SNX13: variants seen among roughly 807,000 people sequenced by gnomAD.
The protein encoded by SNX13 is sorting nexin-13.
Under a neutral mutation model 133.6 loss-of-function variants are expected in SNX13, and 45 were observed. The ratio of observed to expected loss-of-function variants is 0.34; its 90% CI spans 0.27 to 0.43. The LOEUF (loss-of-function observed/expected upper bound fraction) is 0.43, where lower values mean the gene tolerates loss of function less well. Among genes scored for constraint, SNX13 ranks in the 20% least tolerant of loss-of-function variants. SNX13 has a pLI of 1.00. For missense variants in SNX13, 1,032 were observed against 1,145.1 expected, an observed-to-expected ratio of 0.90 and a Z score of 1.43; for synonymous variants, 414 against 373.9, an observed-to-expected ratio of 1.11 and a Z score of -1.24.
intron 13 of SNX13, among the ~76,000 whole-genome samples, chr7:17,837,583 G>T (rs1006729393): frequency 6.6e-6 from 1 of 151,980 alleles, no homozygotes. Flanking sequence ...TTGGTAGGTA[G>T]ATCAACTGTT....
At chr7:17,801,793 T>C (rs1784675153) in intron 21 of SNX13, 134 bp from the exon 22 acceptor site, 3 of 565,638 alleles carry the variant, frequency 5.3e-6, no homozygotes, top group Admixed American at 3.8e-5. Context: ...AATTTAACAA[T>C]CTAAAATTTG....
chr7:17,830,627 A>G, intron 15 of SNX13: 4 of 984,136 alleles, frequency 4.1e-6, no homozygotes, highest in Non-Finnish European at 3.6e-6. Flanking sequence ...CATTTCATTA[A>G]AAAGCAACTA....
chr7:17,885,237 A>G (rs1795848903), intron 5 of SNX13, among the ~76,000 whole-genome samples: 1 of 152,100 alleles, frequency 6.6e-6, no homozygotes, highest in Non-Finnish European at 1.5e-5. Flanking sequence ...AAACAGGAAA[A>G]AAGACCACAT....
chr7:17,902,806 C>T (rs759087407), intron 1 of SNX13, among the ~76,000 whole-genome samples: 26 of 152,148 alleles, frequency 1.7e-4, no homozygotes, highest in Non-Finnish European at 3.1e-4. Flanking sequence ...GTGAGCATGC[C>T]GCGAGCATTA....
chr7:17,901,314 G>A (rs1303776992), intron 1 of SNX13, among the ~76,000 whole-genome samples: 1 of 152,086 alleles, frequency 6.6e-6, no homozygotes, highest in East Asian at 1.9e-4. Context: ...TGCTCTCTTC[G>A]TCGCCCCAGC....
At chr7:17,833,361 G>GT (rs1199550176) in intron 15 of SNX13, among the ~76,000 whole-genome samples, 1 of 151,498 alleles carries the variant, frequency 6.6e-6, no homozygotes, top group Non-Finnish European at 1.5e-5. Flanking sequence ...AATGACTAAC[G>GT]TAAGATATTA....
chr7:17,910,547 C>A (rs1169849781), intron 1 of SNX13, among the ~76,000 whole-genome samples: 2 of 152,160 alleles, frequency 1.3e-5, no homozygotes, highest in Non-Finnish European at 2.9e-5. Context: ...TATGACTCAG[C>A]AATTCCACTC....
intron 16 of SNX13, among the ~76,000 whole-genome samples, chr7:17,827,601 T>C (rs1788052320): frequency 6.6e-6 from 1 of 151,932 alleles, no homozygotes; most frequent in Non-Finnish European, 1.5e-5. Flanking sequence ...TCAACTCAAA[T>C]GGCAAAGACA....
intron 1 of SNX13, among the ~76,000 whole-genome samples, chr7:17,901,681 G>A (rs73310139): frequency 0.16 from 24,595 of 152,118 alleles, 2,457 homozygotes; most frequent in East Asian, 0.46. Flanking sequence ...TCTGCCAGGG[G>A]ATGAGGGAGG....
At chr7:17,845,871 G>C (rs1033500216) in intron 11 of SNX13, among the ~76,000 whole-genome samples, 177 bp from the exon 12 acceptor site, 8 of 152,064 alleles carry the variant, frequency 5.3e-5, no homozygotes, top group Non-Finnish European at 1.2e-4. Context: ...TCCTAGTTAA[G>C]AGTTGCTTAG....
intron 19 of SNX13, 106 bp downstream of exon 19, chr7:17,816,074 CTG>C: frequency 1.6e-6 from 2 of 1,247,786 alleles, no homozygotes; most frequent in Middle Eastern, 3.0e-4. Flanking sequence ...GGTTGCTACC[CTG>C]TGATTACAGT....
Position 17,905,091 on chromosome 7 carries a change from T to C in SNX13, c.13-7645A>G, listed in dbSNP as rs1798249706. 2.0e-5 allele frequency among the ~76,000 whole-genome samples: 3 copies of C among 152,224 alleles called. No homozygotes were observed. In the South Asian group the frequency reaches 6.2e-4, roughly 31 times the overall value. On this transcript the variant is annotated intron_variant, in intron 1 of 25. Transcript: ENST00000428135. ...AGTGTTCCTCCTCAGTCTCACCTGA[T>C]GGCTTCAGATACAATGCTATATACT...
chr7:17,874,455 G>A (rs1794476793), intron 7 of SNX13, among the ~76,000 whole-genome samples: 2 of 152,124 alleles, frequency 1.3e-5, no homozygotes, highest in Non-Finnish European at 2.9e-5. Context: ...TGTCTGCACA[G>A]GGAGTCAGTA....
At chr7:17,866,531 T>A (rs140825406) in intron 9 of SNX13, among the ~76,000 whole-genome samples, 267 of 151,872 alleles carry the variant, frequency 1.8e-3, no homozygotes, top group African/African-American at 6.1e-3. Context: ...GAAAACATGG[T>A]ACATACACAA....
chr7:17,863,813 A>G (rs1052874461), intron 9 of SNX13, among the ~76,000 whole-genome samples: 2 of 152,250 alleles, frequency 1.3e-5, no homozygotes, highest in East Asian at 3.8e-4. Context: ...TCTAGGCAGC[A>G]TTACACAGAA....
chr7:17,798,557 G>GT, intron 24 of SNX13, 133 bp downstream of exon 24: 1 of 624,588 alleles, frequency 1.6e-6, no homozygotes, highest in Non-Finnish European at 2.8e-6. Flanking sequence ...ATTCTTAGAA[G>GT]TCTTTTTGCT....
intron 1 of SNX13, among the ~76,000 whole-genome samples, chr7:17,910,703 A>G (rs1393651568): frequency 6.6e-6 from 1 of 152,242 alleles, no homozygotes; most frequent in African/African-American, 2.4e-5. Context: ...GTATCTACCT[A>G]TAATTCAGCC....
At chr7:17,894,425 G>A (rs555192467) in intron 2 of SNX13, among the ~76,000 whole-genome samples, 12 of 151,900 alleles carry the variant, frequency 7.9e-5, no homozygotes, top group African/African-American at 1.9e-4. Flanking sequence ...ACCAATTCAC[G>A]TGAGGTATTA....
chr7:17,875,884 T>C, intron 5 of SNX13, 94 bp from the exon 6 acceptor site: 2 of 977,790 alleles, frequency 2.0e-6, no homozygotes, highest in Non-Finnish European at 2.9e-6. Context: ...AACATGATTA[T>C]CTGAGACTGT....
Sources: allele counts gnomAD v4.1 joint callset (sites outside exome capture counted in the v4.1 genomes callset), GRCh38; gene constraint gnomAD v4.1.1; transcripts MANE v1.5; gene names NCBI Gene and HGNC (gene_info 2026-07-23, HGNC 2026-07-21).